The following CCPG1 variants were observed in gnomAD, a reference collection of about 807,000 sequenced individuals.
CCPG1 encodes the protein cell cycle progression 1, also known as cell cycle progression protein 1.
In CCPG1, 46 loss-of-function variants were observed where a neutral mutation model predicts 81.3. The observed-to-expected ratio is 0.57, with a 90% CI of 0.45 to 0.72. The LOEUF is 0.72. CCPG1 is among the 30% of genes least tolerant of loss of function. CCPG1 has a pLI of 0.00. For missense variants in CCPG1, 902 were observed against 937.6 expected (o/e 0.96, Z 0.50); for synonymous variants, 330 against 305.2 (o/e 1.08, Z -0.85).
At chr15:55,387,594 G>C (rs962310893) in intron 2 of CCPG1, among the ~76,000 whole-genome samples, 10 of 151,122 alleles carry the variant, frequency 6.6e-5, no homozygotes, top group Non-Finnish European at 1.3e-4. Context: ...GCCCAGGCTG[G>C]AGTGCAATGG....
At chr15:55,383,207 T>C (rs1261126585) in intron 3 of CCPG1, among the ~76,000 whole-genome samples, 1 of 152,220 alleles carries the variant, frequency 6.6e-6, no homozygotes, top group Non-Finnish European at 1.5e-5. Context: ...ATCAGAGCCC[T>C]TCGGTGATTG....
intron 5 of CCPG1, among the ~76,000 whole-genome samples, chr15:55,373,206 T>C (rs1399198553): frequency 3.9e-5 from 6 of 152,224 alleles, no homozygotes; most frequent in East Asian, 1.9e-4. Context: ...CTGTTTCTTA[T>C]GTCAACAAAC....
intron 1 of CCPG1, among the ~76,000 whole-genome samples, chr15:55,391,895 G>GA (rs373234354): frequency 1.6e-5 from 2 of 121,238 alleles, no homozygotes; most frequent in African/African-American, 2.8e-5. Context: ...AAAGGGGGGG[G>GA]GGGGCTAGGT....
rs776030197 is a variant in CCPG1 at position 55,360,000 on chromosome 15, A to G, written c.1773T>C (p.Asp591=). The G allele has an allele frequency of 1.2e-6, 2 of 1,612,700 alleles. No individual in the cohort carries two copies. Among genetic ancestry groups the G allele is most frequent in the African/African-American group, 2.7e-5 (2 of 74,718 alleles). The change falls in exon 8 of 9, where the codon GAT becomes GAC. Residue 591 remains aspartate, a synonymous_variant. Transcript: ENST00000442196. ...HHNRGPTMQN[D]GRKEKPVHFK... ...AGTGAACTGGCTTTTCTTTCCTTCC[A>G]TCATTTTGCATAGTAGGGCCTCTAT...
chr15:55,382,799 A>T (rs684011), intron 3 of CCPG1, among the ~76,000 whole-genome samples: 1 of 152,270 alleles, frequency 6.6e-6, no homozygotes, highest in South Asian at 2.1e-4. Context: ...ATGAGCCACC[A>T]CACCCGACCA....
intron 1 of CCPG1, among the ~76,000 whole-genome samples, chr15:55,392,547 A>G (rs2056942494): frequency 6.6e-6 from 1 of 151,390 alleles, no homozygotes; most frequent in African/African-American, 2.4e-5. Flanking sequence ...TTGAGACAGG[A>G]TTTCGCTTTG....
intron 6 of CCPG1, among the ~76,000 whole-genome samples, chr15:55,369,133 G>A (rs922123887): frequency 6.6e-6 from 1 of 151,550 alleles, no homozygotes; most frequent in Non-Finnish European, 1.5e-5. Flanking sequence ...AAATTATAAA[G>A]TGAATGAATG....
rs770431585 is a variant in CCPG1, at chr15:55,360,347, T to C, written c.1426A>G (p.Arg476Gly). 3 of 1,613,924 alleles carry C rather than the reference T, an allele frequency of 1.9e-6. No individual in the cohort carries two copies. The Admixed American group carries it at 5.0e-5, about 27-fold the overall frequency. The part of the protein sequence containing the change: ...GKKKGGRGSH[R>G]AKNKSKETFL... ...GTTTCCTTTGACTTATTTTTAGCCC[T>C]GTGGCTTCCTCTGCCCCCTTTCTTT... The change falls in exon 8 of 9, where the codon AGG becomes GGG. Residue 476 changes from arginine (R) to glycine (G), a missense_variant. Physicochemically the swap from Arg to Gly is moderately radical, Grantham distance 125 (BLOSUM62 -2). Around this residue, in one of 3 missense-constraint regions of CCPG1, gnomAD observed 746 missense variants for 728.6 expected, o/e 1.02. Coordinates refer to ENST00000442196, the MANE Select transcript of CCPG1 (RefSeq NM_001204450.2).
At chr15:55,357,192 C>T in intron 8 of CCPG1, 1 of 928,082 alleles carries the variant, frequency 1.1e-6, no homozygotes, top group Non-Finnish European at 1.3e-6. Flanking sequence ...TCCAATTACC[C>T]TTGCCCCAAA....
At chr15:55,363,610 G>C (rs2056252602) in intron 7 of CCPG1, among the ~76,000 whole-genome samples, 1 of 150,410 alleles carries the variant, frequency 6.6e-6, no homozygotes, top group Non-Finnish European at 1.5e-5. Context: ...GCAGAAGCTA[G>C]GCAGGGTCTG....
chr15:55,407,041 C>CCCCCA (rs2057243585), intron 1 of CCPG1, among the ~76,000 whole-genome samples: 1 of 122,828 alleles, frequency 8.1e-6, no homozygotes. Context: ...GTTGAGACCC[C>CCCCCA]CCCCCCCGCC....
intron 4 of CCPG1, among the ~76,000 whole-genome samples, 179 bp downstream of exon 4, chr15:55,378,121 T>C (rs1313950134): frequency 2.6e-5 from 4 of 152,306 alleles, no homozygotes; most frequent in Non-Finnish European, 5.9e-5. Flanking sequence ...AAAAGATAGA[T>C]CTTTAACACA....
Position 55,360,675 on chromosome 15 carries a change from G to A in CCPG1, c.1098C>T (p.His366=), listed in dbSNP as rs2056174653. ...GAGTCTCCCTTTGACTAAGAAAGCT[G>A]TGTTTTTTCTGCTTTTCCTCTTCCA... ...QHLEEEKQKK[H]SFLSQRETLL... is the part of the protein sequence containing the mutation. Residue 366 remains histidine (H), a synonymous_variant, in exon 8 of 9, where the codon CAC becomes CAT. Coordinates refer to ENST00000442196, the MANE Select transcript of CCPG1 (RefSeq NM_001204450.2). The A allele has an allele frequency of 3.1e-6, 5 of 1,613,924 alleles. No homozygotes were observed. Among genetic ancestry groups the A allele is most frequent in the Non-Finnish European group, 4.2e-6 (5 of 1,179,966 alleles).
Position 55,357,377 on chromosome 15 carries a change from G to C in CCPG1, c.2235-968C>G, listed in dbSNP as rs549781880. The stretch of plus-strand genomic sequence containing the variant: ...ATAGTCCCAGTTTAGATGTTCATCA[G>C]CTCATGTCTGTATTATATTGACCAC... On this transcript the variant is annotated intron_variant, in intron 8 of 8. Coordinates refer to ENST00000442196, the MANE Select transcript of CCPG1 (RefSeq NM_001204450.2). The C allele has an allele frequency of 1.2e-5, 12 of 985,308 alleles. No homozygotes were observed. The African/African-American group carries it at 2.1e-4, about 17-fold the overall frequency. 61.0% of individuals were successfully genotyped at this position (985,308 alleles called of 1,614,324 possible). A position where few individuals can be genotyped will look rare whatever the true frequency, so the allele number is the denominator to read the frequency against.
At chr15:55,405,159 G>C (rs991677669) in intron 1 of CCPG1, among the ~76,000 whole-genome samples, 1 of 151,458 alleles carries the variant, frequency 6.6e-6, no homozygotes, top group Non-Finnish European at 1.5e-5. Context: ...TCGGGAGTTT[G>C]AGACCAGCCT....
chr15:55,375,379 C>T (rs889146144), intron 5 of CCPG1, among the ~76,000 whole-genome samples: 1 of 152,042 alleles, frequency 6.6e-6, no homozygotes, highest in Admixed American at 6.6e-5. Context: ...TCTAATTAAA[C>T]CAGAGGCAGG....
intron 3 of CCPG1, among the ~76,000 whole-genome samples, chr15:55,384,238 A>ATT (rs2056757215): frequency 6.6e-6 from 1 of 152,154 alleles, no homozygotes; most frequent in Non-Finnish European, 1.5e-5. Context: ...GAACACACAC[A>ATT]TTTATTAAGT....
At chr15:55,362,857 T>C (rs2056232289) in intron 7 of CCPG1, among the ~76,000 whole-genome samples, 1 of 141,850 alleles carries the variant, frequency 7.0e-6, no homozygotes, top group Non-Finnish European at 1.5e-5. Flanking sequence ...CTGGGCAACA[T>C]AGTGAGACCC....
intron 7 of CCPG1, among the ~76,000 whole-genome samples, chr15:55,363,426 G>A (rs28476538): frequency 0.012 from 1,741 of 150,662 alleles, 57 homozygotes; most frequent in African/African-American, 0.04. Flanking sequence ...TTAATGCGTG[G>A]TGAGTTTTCC....
Sources: gnomAD v4.1 joint callset for allele counts (sites outside exome capture counted in the v4.1 genomes callset) on GRCh38, gnomAD v4.1.1 for gene constraint, gnomAD v4.1.1 regional missense constraint, MANE v1.5 for transcripts, NCBI Gene and HGNC (gene_info 2026-07-23, HGNC 2026-07-21) for gene names.